Variants in FARS2 observed in about 807,000 individuals in gnomAD.
FARS2 encodes phenylalanine--tRNA ligase, mitochondrial.
Under a neutral mutation model 46.4 loss-of-function variants are expected in FARS2, and 40 were observed. The observed-to-expected ratio is 0.86, with a 90% CI of 0.67 to 1.12. The LOEUF (loss-of-function observed/expected upper bound fraction) is 1.12, where lower values mean the gene tolerates loss of function less well. FARS2 is among the 50% of genes most tolerant of loss of function. The probability of loss-of-function intolerance (pLI) is 0.00; values close to 1 mark genes in which losing one functional copy is unlikely to be tolerated. For missense variants in FARS2, 513 were observed against 567.9 expected (o/e 0.90, Z 0.98); for synonymous variants, 234 against 214.9 (o/e 1.09, Z -0.78).
chr6:5,524,302 T>G (rs1769330056), intron 4 of FARS2, among the ~76,000 whole-genome samples: 1 of 152,212 alleles, frequency 6.6e-6, no homozygotes, highest in South Asian at 2.1e-4. Flanking sequence ...AAAGAGGAAC[T>G]GTGAGGGCAC....
In FARS2 at chr6:5,329,128, AT is replaced by A. The variant is rs34726622; in HGVS notation, c.-21-39420del. Among the ~76,000 whole-genome samples the A allele has an allele frequency of 1.1e-3, 167 of 149,158 alleles. 1 individual carries two copies. The highest frequency in any genetic ancestry group is 3.4e-3 in the South Asian group (16 of 4,686). On this transcript the variant is annotated intron_variant, in intron 1 of 6. Coordinates refer to ENST00000274680, the MANE Select transcript of FARS2 (RefSeq NM_006567.5). ...AGTCTCTGCTTAGTGTTGTTTCTATATTAAAAAAAAAAAAGAAACTGTGGCT... is the reference window on the plus strand; with the variant it reads ...AGTCTCTGCTTAGTGTTGTTTCTATATAAAAAAAAAAAAGAAACTGTGGCT...
intron 4 of FARS2, among the ~76,000 whole-genome samples, chr6:5,528,958 G>T (rs948257425): frequency 5.9e-5 from 9 of 152,154 alleles, no homozygotes; most frequent in African/African-American, 2.2e-4. Flanking sequence ...GTCTTCAGTG[G>T]CATCCTCTTG....
intron 5 of FARS2, among the ~76,000 whole-genome samples, chr6:5,603,673 G>T (rs1004489468): frequency 5.3e-5 from 8 of 152,162 alleles, no homozygotes; most frequent in Admixed American, 6.5e-5. Flanking sequence ...TGTGCTCCCT[G>T]TGTGCATGCC....
chr6:5,487,623 C>G (rs1448907989), intron 4 of FARS2, among the ~76,000 whole-genome samples: 1 of 152,184 alleles, frequency 6.6e-6, no homozygotes, highest in Non-Finnish European at 1.5e-5. Flanking sequence ...AGATTCAACC[C>G]TAGCTGGTCT....
Position 5,653,612 on chromosome 6 carries a change from G to A in FARS2, c.1217+40292G>A, listed in dbSNP as rs569303892. 1.9e-3 allele frequency among the ~76,000 whole-genome samples: 296 copies of A among 152,350 alleles called. 1 individual carries two copies. Among genetic ancestry groups the A allele is most frequent in the Non-Finnish European group, 3.2e-3 (219 of 68,024 alleles). Reference sequence around the variant, plus strand: ...ACAAGCAGGCCCCTCCTGGGGGATCGGAGGGGAAGACATCTCATTTCAGGG... The same window carrying A: ...ACAAGCAGGCCCCTCCTGGGGGATCAGAGGGGAAGACATCTCATTTCAGGG... On this transcript the variant is annotated intron_variant, in intron 6 of 6. Coordinates refer to ENST00000274680, the MANE Select transcript of FARS2 (RefSeq NM_006567.5).
At chr6:5,519,374 T>C (rs1339728823) in intron 4 of FARS2, among the ~76,000 whole-genome samples, 1 of 151,784 alleles carries the variant, frequency 6.6e-6, no homozygotes. Flanking sequence ...TAAATGAGAG[T>C]TGAGGAAGTG....
chr6:5,453,874 C>T (rs138217638), intron 4 of FARS2, among the ~76,000 whole-genome samples: 3,462 of 152,178 alleles, frequency 0.023, 65 homozygotes, highest in Middle Eastern at 0.041. Flanking sequence ...GGAGAGCCCA[C>T]GAAGCCGTGC....
chr6:5,277,456 C>G (rs1395221204), intron 1 of FARS2, among the ~76,000 whole-genome samples: 2 of 151,950 alleles, frequency 1.3e-5, no homozygotes, highest in Admixed American at 6.6e-5. Flanking sequence ...TTTAATAGTT[C>G]CAATAATACA....
intron 6 of FARS2, among the ~76,000 whole-genome samples, chr6:5,675,421 A>G (rs1474608595): frequency 1.3e-5 from 2 of 152,204 alleles, no homozygotes; most frequent in Admixed American, 6.5e-5. Flanking sequence ...GAATTGTTGA[A>G]GTGAGAAAGC....
intron 4 of FARS2, among the ~76,000 whole-genome samples, chr6:5,497,459 G>A (rs1279168823): frequency 6.6e-6 from 1 of 152,178 alleles, no homozygotes; most frequent in Admixed American, 6.5e-5. Context: ...AGGACAAACT[G>A]AACAGCACCT....
intron 4 of FARS2, among the ~76,000 whole-genome samples, chr6:5,481,259 C>A (rs1370554537): frequency 6.6e-6 from 1 of 152,198 alleles, no homozygotes; most frequent in Non-Finnish European, 1.5e-5. Context: ...AATGTGGACA[C>A]AGTGCCAGGC....
chr6:5,424,670 G>C (rs1192743628), intron 3 of FARS2, among the ~76,000 whole-genome samples: 1 of 152,210 alleles, frequency 6.6e-6, no homozygotes, highest in African/African-American at 2.4e-5. Context: ...ATTGGGGTAA[G>C]ATGGGAAAGG....
At chr6:5,306,357 C>A (rs1384433514) in intron 1 of FARS2, among the ~76,000 whole-genome samples, 1 of 152,180 alleles carries the variant, frequency 6.6e-6, no homozygotes, top group Admixed American at 6.5e-5. Context: ...AATTAACAGT[C>A]TACTGGTTCT....
At chr6:5,486,064 G>A (rs569249912) in intron 4 of FARS2, among the ~76,000 whole-genome samples, 1 of 152,272 alleles carries the variant, frequency 6.6e-6, no homozygotes, top group South Asian at 2.1e-4. Flanking sequence ...CAACTATAAC[G>A]TGGAAATTAT....
intron 4 of FARS2, among the ~76,000 whole-genome samples, chr6:5,447,326 G>A (rs1764238050): frequency 6.6e-6 from 1 of 152,148 alleles, no homozygotes; most frequent in African/African-American, 2.4e-5. Flanking sequence ...ATGAGGAAAA[G>A]GTCATGGATT....
intron 6 of FARS2, among the ~76,000 whole-genome samples, chr6:5,722,877 AT>A (rs1181710218): frequency 2.1e-4 from 32 of 152,316 alleles, no homozygotes; most frequent in African/African-American, 7.5e-4. Flanking sequence ...GAAGTTGTAA[AT>A]ATAAGTAAAA....
intron 4 of FARS2, among the ~76,000 whole-genome samples, chr6:5,438,239 A>ACCC (rs1182394280): frequency 4.9e-4 from 26 of 52,664 alleles, no homozygotes; most frequent in African/African-American, 1.7e-3. Flanking sequence ...GCTTCTACCC[A>ACCC]CCCCCCGCCC....
chr6:5,294,133 G>A (rs1463626841), intron 1 of FARS2, among the ~76,000 whole-genome samples: 1 of 152,156 alleles, frequency 6.6e-6, no homozygotes, highest in Non-Finnish European at 1.5e-5. Context: ...AGGAACAGGT[G>A]CCCTATTTGT....
chr6:5,309,549 G>A (rs750871925), intron 1 of FARS2, among the ~76,000 whole-genome samples: 5 of 152,136 alleles, frequency 3.3e-5, no homozygotes, highest in Admixed American at 6.5e-5. Context: ...TTGGAATTTC[G>A]TACTGTGCCT....
Sources: gnomAD v4.1 joint callset for allele counts (sites outside exome capture counted in the v4.1 genomes callset) on GRCh38, gnomAD v4.1.1 for gene constraint, MANE v1.5 for transcripts, NCBI Gene and HGNC (gene_info 2026-07-23, HGNC 2026-07-21) for gene names.